PHF3: variants seen among roughly 807,000 people sequenced by gnomAD.
PHF3 encodes PHD finger protein 3.
PHF3 carries 41 observed loss-of-function variants against 178.4 expected under a neutral mutation model. That is an observed-to-expected ratio of 0.23 (90% confidence interval 0.18 to 0.30). The LOEUF is 0.30. Among genes scored for constraint, PHF3 ranks in the 10% least tolerant of loss-of-function variants. PHF3 has a pLI of 1.00. For missense variants in PHF3, 2,346 were observed against 2,398.1 expected (o/e 0.98, Z 0.45); for synonymous variants, 842 against 800.5 (o/e 1.05, Z -0.88).
In PHF3 at chr6:63,717,228, A is replaced by C. The variant is rs1335686803; in HGVS notation, c.*3520A>C. Reference sequence around the variant, plus strand: ...AGGTAACTTTACTCTGTTGTTCCTAAGTTTTTAATAGTAGCTGTGTTTTTA... The same window carrying C: ...AGGTAACTTTACTCTGTTGTTCCTACGTTTTTAATAGTAGCTGTGTTTTTA... On this transcript the variant is annotated 3_prime_UTR_variant, in exon 16 of 16. Coordinates refer to ENST00000262043, the MANE Select transcript of PHF3 (RefSeq NM_001370348.2). Among the ~76,000 whole-genome samples the C allele has an allele frequency of 6.6e-6, 1 of 152,036 alleles. No individual in the cohort carries two copies. Among genetic ancestry groups the C allele is most frequent in the African/African-American group, 2.4e-5 (1 of 41,412 alleles).
At chr6:63,644,107 T>C (rs1378461722) in intron 1 of PHF3, among the ~76,000 whole-genome samples, 1 of 152,230 alleles carries the variant, frequency 6.6e-6, no homozygotes, top group Admixed American at 6.5e-5. Flanking sequence ...GTTGCTATGG[T>C]AACAAGTGCA....
intron 1 of PHF3, among the ~76,000 whole-genome samples, chr6:63,639,110 CTTAA>C (rs1263221443): frequency 6.6e-6 from 1 of 152,040 alleles, no homozygotes. Flanking sequence ...GCATAATGTG[CTTAA>C]TTTAGACCAT....
At chr6:63,705,258 T>A (rs773701512) in intron 11 of PHF3, among the ~76,000 whole-genome samples, 1 of 152,210 alleles carries the variant, frequency 6.6e-6, no homozygotes, top group Non-Finnish European at 1.5e-5. Flanking sequence ...TCATTTTAGC[T>A]TGTCTGAGTT....
intron 2 of PHF3, among the ~76,000 whole-genome samples, chr6:63,665,083 A>G (rs546951607): frequency 6.6e-6 from 1 of 152,262 alleles, no homozygotes; most frequent in East Asian, 1.9e-4. Context: ...CAGATTAAAA[A>G]CATTTTTTAA....
intron 2 of PHF3, among the ~76,000 whole-genome samples, chr6:63,676,243 A>G (rs1320946086): frequency 6.6e-6 from 1 of 152,178 alleles, no homozygotes; most frequent in African/African-American, 2.4e-5. Flanking sequence ...CAAGGTTGTT[A>G]TTCTAGGTTC....
chr6:63,682,563 T>A (rs1380152636), intron 3 of PHF3, among the ~76,000 whole-genome samples: 1 of 152,192 alleles, frequency 6.6e-6, no homozygotes, highest in African/African-American at 2.4e-5. Context: ...ATTTATTTCA[T>A]CATCTTTTCT....
intron 1 of PHF3, among the ~76,000 whole-genome samples, chr6:63,640,220 T>G (rs1381890304): frequency 1.3e-5 from 2 of 152,226 alleles, no homozygotes; most frequent in Non-Finnish European, 2.9e-5. Context: ...TGATACTTTG[T>G]AGTATTGTGT....
chr6:63,672,254 A>G (rs1765951413), intron 2 of PHF3, among the ~76,000 whole-genome samples: 1 of 152,196 alleles, frequency 6.6e-6, no homozygotes, highest in South Asian at 2.1e-4. Flanking sequence ...CTAAGAAATA[A>G]AAATAATATT....
intron 2 of PHF3, among the ~76,000 whole-genome samples, chr6:63,676,311 G>C (rs887279703): frequency 6.6e-6 from 1 of 152,206 alleles, no homozygotes; most frequent in Admixed American, 6.5e-5. Flanking sequence ...TTACACTCTA[G>C]TGGAGAAGAC....
intron 2 of PHF3, among the ~76,000 whole-genome samples, chr6:63,653,758 T>G (rs1765117939): frequency 6.6e-6 from 1 of 152,210 alleles, no homozygotes; most frequent in South Asian, 2.1e-4. Flanking sequence ...TTTAGTATGA[T>G]GTTGACTGTG....
chr6:63,691,885 C>T lies in PHF3; in HGVS notation c.2338C>T (p.Leu780=). 2.5e-6 allele frequency: 4 copies of T among 1,613,584 alleles called. No homozygotes were observed. Among genetic ancestry groups the T allele is most frequent in the Non-Finnish European group, 1.7e-6 (2 of 1,179,842 alleles). ...TGAAGAAGACAAAAAGACTGAAATA[C>T]TAGATCCAGATACTTTGGAAAACCA... ...CAEEDKKTEI[L]DPDTLENQAT... is the part of the protein sequence containing the mutation. Residue 780 remains leucine (L), a synonymous_variant, in exon 5 of 16, where the codon CTA becomes TTA. Transcript: ENST00000262043.
intron 6 of PHF3, among the ~76,000 whole-genome samples, chr6:63,695,001 T>A (rs1283958233): frequency 6.6e-6 from 1 of 152,138 alleles, no homozygotes; most frequent in Non-Finnish European, 1.5e-5. Flanking sequence ...GGCACTTAAA[T>A]ACTAATGGAA....
intron 1 of PHF3, among the ~76,000 whole-genome samples, chr6:63,644,236 GATGCAACTCT>G (rs1290591045): frequency 6.6e-6 from 1 of 152,062 alleles, no homozygotes; most frequent in Non-Finnish European, 1.5e-5. Context: ...TACTAATTGG[GATGCAACTCT>G]CTGAAGAGGA....
Position 63,684,771 on chromosome 6 carries a change from G to T in PHF3, c.1049G>T (p.Cys350Phe). The T allele has an allele frequency of 1.2e-6, 2 of 1,614,022 alleles. No homozygotes were observed. The highest frequency in any genetic ancestry group is 1.7e-6 in the Non-Finnish European group (2 of 1,179,930). The change falls in exon 4 of 16, where the codon TGT (cysteine) becomes TTT (phenylalanine). Residue 350 changes from cysteine (C) to phenylalanine (F), a missense_variant. Cys to Phe is a radical substitution (Grantham distance 205). This residue lies in a region of PHF3 where 843 missense variants were observed against 795.2 expected (regional missense o/e 1.06). Transcript: ENST00000262043. ...GSSDISSDAACTNPNKTENSL... is the reference protein window; with the variant it reads ...GSSDISSDAAFTNPNKTENSL... ...TCTGATATTTCTAGTGATGCTGCTT[G>T]TACAAATCCAAATAAGACAGAAAAC...
chr6:63,712,638 C>T lies in PHF3; in HGVS notation c.5050C>T (p.Leu1684=). The T allele has an allele frequency of 6.2e-7, 1 of 1,613,912 alleles. No homozygotes were observed. The highest frequency in any genetic ancestry group is 8.5e-7 in the Non-Finnish European group (1 of 1,179,958). Residue 1684 remains leucine (L), a synonymous_variant, in exon 16 of 16, where the codon CTG becomes TTG. Transcript: ENST00000262043. ...TGGAGAAAAACACATGCTGCCTGGC[C>T]TGTCACACAACAAGGAGCACTTAAC... ...RNGEKHMLPG[L]SHNKEHLTEQ... is the part of the protein sequence containing the mutation.
chr6:63,692,502 G>T (rs1188394941), intron 5 of PHF3, among the ~76,000 whole-genome samples: 1 of 152,122 alleles, frequency 6.6e-6, no homozygotes, highest in Non-Finnish European at 1.5e-5. Flanking sequence ...AATGTATAAA[G>T]GACACGGCAT....
chr6:63,704,720 T>G (rs1410454759), intron 11 of PHF3, among the ~76,000 whole-genome samples: 1 of 152,170 alleles, frequency 6.6e-6, no homozygotes, highest in Non-Finnish European at 1.5e-5. Flanking sequence ...ATGCAGCTTT[T>G]TGTGTGGATG....
intron 2 of PHF3, among the ~76,000 whole-genome samples, chr6:63,658,466 ACT>A (rs1765328725): frequency 6.6e-6 from 1 of 151,852 alleles, no homozygotes; most frequent in African/African-American, 2.4e-5. Context: ...TGAACCAGTG[ACT>A]CTTTTAATTA....
intron 2 of PHF3, among the ~76,000 whole-genome samples, chr6:63,666,782 T>G (rs1253236140): frequency 6.6e-6 from 1 of 151,756 alleles, no homozygotes; most frequent in South Asian, 2.1e-4. Flanking sequence ...GATGGAGTCT[T>G]GCTCAGTTGC....
Sources: allele counts gnomAD v4.1 joint callset (sites outside exome capture counted in the v4.1 genomes callset), GRCh38; gene constraint gnomAD v4.1.1; regional missense constraint gnomAD v4.1.1; transcripts MANE v1.5; gene names NCBI Gene and HGNC (gene_info 2026-07-23, HGNC 2026-07-21).